Variants in ST6GALNAC3 observed in about 807,000 individuals in gnomAD.
ST6GALNAC3 encodes the protein alpha-N-acetylgalactosaminide alpha-2,6-sialyltransferase 3.
A neutral mutation model predicts 32.7 loss-of-function variants in ST6GALNAC3; 25 were observed. The observed-to-expected ratio is 0.76, with a 90% confidence interval of 0.56 to 1.07. The LOEUF (loss-of-function observed/expected upper bound fraction) is 1.07. Ranked by LOEUF, ST6GALNAC3 falls within the 50% of genes least tolerant of loss-of-function variation. The pLI is 0.00. For synonymous variants in ST6GALNAC3, 129 were observed against 133.1 expected (o/e 0.97, Z 0.21); for missense variants, 355 against 382.4 (o/e 0.93, Z 0.60).
intron 3 of ST6GALNAC3, among the ~76,000 whole-genome samples, chr1:76,611,446 C>A (rs553201109): frequency 1.3e-5 from 2 of 152,178 alleles, no homozygotes; most frequent in African/African-American, 4.8e-5. Flanking sequence ...CTGAGTTATT[C>A]TCTGTAATGT....
chr1:76,432,345 G>A (rs1655814801), intron 3 of ST6GALNAC3, among the ~76,000 whole-genome samples: 1 of 150,148 alleles, frequency 6.7e-6, no homozygotes, highest in South Asian at 2.1e-4. Flanking sequence ...AGGTTTTTGT[G>A]TGCATGTAAA....
intron 3 of ST6GALNAC3, among the ~76,000 whole-genome samples, chr1:76,596,790 T>C (rs1172877939): frequency 6.6e-6 from 1 of 152,162 alleles, no homozygotes; most frequent in East Asian, 1.9e-4. Flanking sequence ...GATCATACTC[T>C]TGACCAGCTG....
At chr1:76,566,201 T>G (rs1665545622) in intron 3 of ST6GALNAC3, among the ~76,000 whole-genome samples, 1 of 152,142 alleles carries the variant, frequency 6.6e-6, no homozygotes, top group Admixed American at 6.5e-5. Context: ...GTATGTCAGG[T>G]GTGGACTAAT....
chr1:76,348,474 TC>T (rs1253594258), intron 2 of ST6GALNAC3, among the ~76,000 whole-genome samples: 1 of 152,210 alleles, frequency 6.6e-6, no homozygotes, highest in East Asian at 1.9e-4. Context: ...TTTAAGGTTT[TC>T]CATGCCAGGA....
At chr1:76,224,958 T>C (rs1187599252) in intron 1 of ST6GALNAC3, among the ~76,000 whole-genome samples, 1 of 152,148 alleles carries the variant, frequency 6.6e-6, no homozygotes, top group Non-Finnish European at 1.5e-5. Flanking sequence ...TGCAGGGATG[T>C]CAGCCTGTTA....
Position 76,629,591 on chromosome 1 carries a change from A to G in ST6GALNAC3, c.*785A>G. On this transcript the variant is annotated 3_prime_UTR_variant, in exon 5 of 5. Coordinates refer to ENST00000328299, the MANE Select transcript of ST6GALNAC3 (RefSeq NM_152996.4). ...TTTTTGGTTGAGTGCTAAATATTTC[A>G]GAAGGCTACTTAACATGTAAGATAC... 1 of 984,558 alleles carries G rather than the reference A, an allele frequency of 1.0e-6. No homozygotes were observed. Among genetic ancestry groups the G allele is most frequent in the South Asian group, 4.7e-5 (1 of 21,266 alleles). The allele number at this position is 984,558 out of a possible 1,614,324, so 61.0% of individuals were successfully genotyped here. A position where few individuals can be genotyped will look rare whatever the true frequency, so the allele number is the denominator to read the frequency against.
chr1:76,102,043 T>C lies in ST6GALNAC3; in HGVS notation c.18+27159T>C, dbSNP rs552681430. On this transcript the variant is annotated intron_variant, in intron 1 of 4. Transcript: ENST00000328299. ...TTTTCTGCATTCTCACTGATTTCTTTTGTCTTTTTTTGTTTTATATGTTTC... is the reference window on the plus strand; with the variant it reads ...TTTTCTGCATTCTCACTGATTTCTTCTGTCTTTTTTTGTTTTATATGTTTC... Among the ~76,000 whole-genome samples, 239 of 152,310 alleles carry C rather than the reference T, an allele frequency of 1.6e-3. 2 individuals carry two copies. The highest frequency in any genetic ancestry group is 5.6e-3 in the African/African-American group (232 of 41,562).
chr1:76,603,491 G>A (rs181695112), intron 3 of ST6GALNAC3, among the ~76,000 whole-genome samples: 97 of 152,272 alleles, frequency 6.4e-4, no homozygotes, highest in South Asian at 5.0e-3. Flanking sequence ...AAATGATGCC[G>A]TTTATGTAAA....
At chr1:76,426,294 T>C (rs554582606) in intron 3 of ST6GALNAC3, among the ~76,000 whole-genome samples, 2 of 152,014 alleles carry the variant, frequency 1.3e-5, no homozygotes, top group East Asian at 1.9e-4. Context: ...CCCCCTCAAA[T>C]AGCATCTGAC....
intron 1 of ST6GALNAC3, among the ~76,000 whole-genome samples, chr1:76,268,556 GAA>G (rs1658664697): frequency 6.6e-6 from 1 of 152,218 alleles, no homozygotes; most frequent in African/African-American, 2.4e-5. Context: ...TGAAGAGAGA[GAA>G]AGAAATTTGA....
At chr1:76,437,296 A>T (rs532496796) in intron 3 of ST6GALNAC3, among the ~76,000 whole-genome samples, 2 of 152,130 alleles carry the variant, frequency 1.3e-5, no homozygotes, top group Non-Finnish European at 2.9e-5. Context: ...CAGCTTTCTC[A>T]GGTCTCTCGA....
intron 3 of ST6GALNAC3, among the ~76,000 whole-genome samples, chr1:76,570,234 C>T (rs1665780702): frequency 6.6e-6 from 1 of 152,002 alleles, no homozygotes; most frequent in Admixed American, 6.6e-5. Context: ...AAATATCAAC[C>T]TTTATGGAAT....
At chr1:76,276,900 G>C (rs1384986579) in intron 1 of ST6GALNAC3, among the ~76,000 whole-genome samples, 1 of 152,044 alleles carries the variant, frequency 6.6e-6, no homozygotes, top group Admixed American at 6.6e-5. Flanking sequence ...TACCATTTTG[G>C]CAAATCAATT....
At chr1:76,522,762 G>A (rs1000703450) in intron 3 of ST6GALNAC3, among the ~76,000 whole-genome samples, 4 of 152,126 alleles carry the variant, frequency 2.6e-5, no homozygotes, top group African/African-American at 9.7e-5. Flanking sequence ...TTCGGAAGGT[G>A]GAATTAAAGC....
chr1:76,626,582 A>G (rs983520919), intron 3 of ST6GALNAC3, among the ~76,000 whole-genome samples: 4 of 151,614 alleles, frequency 2.6e-5, no homozygotes, highest in Non-Finnish European at 4.4e-5. Context: ...TACCAACCAT[A>G]CTTCCATATT....
intron 1 of ST6GALNAC3, among the ~76,000 whole-genome samples, chr1:76,259,533 C>T (rs1486439770): frequency 2.6e-5 from 4 of 152,218 alleles, no homozygotes; most frequent in Admixed American, 6.5e-5. Flanking sequence ...CCATCATCAT[C>T]ATTCTCTAAT....
At chr1:76,525,140 G>A (rs185924979) in intron 3 of ST6GALNAC3, among the ~76,000 whole-genome samples, 2 of 151,952 alleles carry the variant, frequency 1.3e-5, no homozygotes, top group African/African-American at 4.8e-5. Context: ...TGGAAAATGA[G>A]GTCTATTCAA....
intron 1 of ST6GALNAC3, among the ~76,000 whole-genome samples, chr1:76,255,283 A>G (rs189253701): frequency 3.9e-5 from 6 of 152,234 alleles, no homozygotes; most frequent in Admixed American, 1.3e-4. Flanking sequence ...GGAGGAATAC[A>G]AAGTATTTTC....
intron 3 of ST6GALNAC3, among the ~76,000 whole-genome samples, chr1:76,543,449 C>T (rs1019638571): frequency 1.3e-5 from 2 of 152,098 alleles, no homozygotes; most frequent in African/African-American, 4.8e-5. Context: ...ATGGGCATGC[C>T]TTCACCTTAA....
Sources: allele counts gnomAD v4.1 joint callset (sites outside exome capture counted in the v4.1 genomes callset), GRCh38; gene constraint gnomAD v4.1.1; transcripts MANE v1.5; gene names NCBI Gene and HGNC (gene_info 2026-07-23, HGNC 2026-07-21).